The following FAM234A variants were observed in gnomAD, a reference collection of about 807,000 sequenced individuals.
FAM234A encodes protein FAM234A.
In FAM234A, 42 loss-of-function variants were observed where a neutral mutation model predicts 49.1. The observed-to-expected ratio is 0.86, with a 90% confidence interval of 0.67 to 1.11. The LOEUF is 1.11. Among genes scored for constraint, FAM234A ranks in the 50% least tolerant of loss-of-function variants. The probability of loss-of-function intolerance (pLI) is 0.00; values close to 1 mark genes in which losing one functional copy is unlikely to be tolerated. For missense variants in FAM234A, 815 were observed against 745.2 expected (o/e 1.09, Z -1.09); for synonymous variants, 369 against 316.2 (o/e 1.17, Z -1.77).
At chr16:262,631 A>G (rs2051515893) in intron 8 of FAM234A, 78 bp downstream of exon 8, 2 of 1,437,638 alleles carry the variant, frequency 1.4e-6, no homozygotes, top group East Asian at 2.5e-5. Context: ...CGTTCGGACA[A>G]TCTGTGTGGA....
rs1250524828 is a variant in FAM234A at position 265,994 on chromosome 16, G to C, written c.*972G>C. 2 of 985,744 alleles carry C rather than the reference G, an allele frequency of 2.0e-6. No homozygotes were observed. The highest frequency in any genetic ancestry group is 6.2e-5 in the Admixed American group (1 of 16,260). 61.1% of individuals were successfully genotyped at this position (985,744 alleles called of 1,614,324 possible). On this transcript the variant is annotated 3_prime_UTR_variant, in exon 13 of 13. Coordinates refer to ENST00000399932, the MANE Select transcript of FAM234A (RefSeq NM_032039.4). ...GCAGCCATGGTGCTCTGTACTGCTC[G>C]GGCCGCCCAGGTCACAGAGCCTGAG...
chr16:240,081 C>T (rs1440828952), intron 1 of FAM234A: 3 of 152,052 alleles, frequency 2.0e-5, no homozygotes, highest in African/African-American at 7.2e-5. Context: ...GTGGGTGTCT[C>T]TGAAGCTCAT....
In FAM234A at chr16:235,693, G is replaced by C. The variant is rs569571739; in HGVS notation, c.-140+836G>C. Among the ~76,000 whole-genome samples, 8 of 152,260 alleles carry C rather than the reference G, an allele frequency of 5.3e-5. No individual in the cohort carries two copies. The South Asian group carries it at 1.7e-3, about 32-fold the overall frequency. ...ACTTCCCTTATTGCAATTTCAGTCT[G>C]CATCCAATTAGAGCAGAATAACTCA... On this transcript the variant is annotated intron_variant, in intron 1 of 12. Transcript: ENST00000399932.
intron 2 of FAM234A, among the ~76,000 whole-genome samples, chr16:252,491 G>A (rs572385967): frequency 8.8e-4 from 134 of 152,226 alleles, no homozygotes; most frequent in African/African-American, 3.1e-3. Flanking sequence ...CGGAAAGTCT[G>A]TTTTTAATTC....
chr16:260,231 G>A lies in FAM234A; in HGVS notation c.577+71G>A, dbSNP rs987964960. On this transcript the variant is annotated intron_variant, in intron 5 of 12. Coordinates refer to ENST00000399932, the MANE Select transcript of FAM234A (RefSeq NM_032039.4). ...GAGCCACCTCACCCTGAGGGCTAAT[G>A]CCAGGAGGCCGCGACGAGGCTCAGC... 4 of 1,428,972 alleles carry A rather than the reference G, an allele frequency of 2.8e-6. No individual in the cohort carries two copies. In the Admixed American group the frequency reaches 6.9e-5, roughly 25 times the overall value. 88.5% of individuals were successfully genotyped at this position (1,428,972 alleles called of 1,614,324 possible). A position where few individuals can be genotyped will look rare whatever the true frequency, so the allele number is the denominator to read the frequency against.
In FAM234A at chr16:264,823, AGCCAAGCC is replaced by A; in HGVS notation, c.1465_1472del (p.Ser489ArgfsTer39). Reference sequence around the variant, plus strand: ...CCCCACCCTGCAGCCGTCCTGTTTGAGCCAAGCCGCCACGCCGCCTACATCCTTCTGAC... The same window carrying A: ...CCCCACCCTGCAGCCGTCCTGTTTGAGCCACGCCGCCTACATCCTTCTGAC... On this transcript the variant is annotated frameshift_variant, in exon 13 of 13. Transcript: ENST00000399932. LOFTEE classifies it low-confidence loss of function (END_TRUNC). 2 of 1,609,944 alleles carry A rather than the reference AGCCAAGCC, an allele frequency of 1.2e-6. No homozygotes were observed. The highest frequency in any genetic ancestry group is 1.7e-6 in the Non-Finnish European group (2 of 1,179,528).
chr16:259,913 G>C, intron 4 of FAM234A, 56 bp from the exon 5 acceptor site: 1 of 1,512,768 alleles, frequency 6.6e-7, no homozygotes, highest in Admixed American at 1.7e-5. Flanking sequence ...GCTGGGGCTG[G>C]CCGGCCTGCC....
At chr16:250,749 G>C (rs1202337035) in intron 2 of FAM234A, among the ~76,000 whole-genome samples, 1 of 151,976 alleles carries the variant, frequency 6.6e-6, no homozygotes, top group Non-Finnish European at 1.5e-5. Context: ...TGGCCCCCAC[G>C]AGTCTACTCC....
At chr16:257,236 CTTTTTTTT>C (rs759071082) in intron 3 of FAM234A, among the ~76,000 whole-genome samples, 1 of 89,014 alleles carries the variant, frequency 1.1e-5, no homozygotes, top group Non-Finnish European at 2.2e-5. Context: ...TCAATGAAGT[CTTTTTTTT>C]TTTTTTTTTT....
rs759493395 is a variant in FAM234A at position 260,024 on chromosome 16, G to T, written c.441G>T (p.Thr147=). The T allele has an allele frequency of 3.1e-6, 5 of 1,613,534 alleles. No individual in the cohort carries two copies. The Admixed American group carries it at 5.0e-5, about 16-fold the overall frequency. The change falls in exon 5 of 13, where the codon ACG becomes ACT. Residue 147 remains threonine, a synonymous_variant. Transcript: ENST00000399932. ...AAAVSGANGS[T]LWERPVAQDV... is the part of the protein sequence containing the mutation. Reference sequence around the variant, plus strand: ...CTGTGTCGGGGGCCAACGGCAGCACGCTCTGGGAGAGACCTGTGGCCCAAG... The same window carrying T: ...CTGTGTCGGGGGCCAACGGCAGCACTCTCTGGGAGAGACCTGTGGCCCAAG...
At chr16:263,118 C>T in intron 8 of FAM234A, 144 bp from the exon 9 acceptor site, 3 of 1,059,606 alleles carry the variant, frequency 2.8e-6, no homozygotes, top group South Asian at 3.1e-5. Context: ...GCGCCCAGCT[C>T]TTCTCTTTTC....
At chr16:269,862 C>T (rs548093394), downstream of FAM234A, 11 of 385,404 alleles carry the variant, frequency 2.9e-5, no homozygotes, top group East Asian at 1.9e-4. Context: ...CAGCCATTAG[C>T]GGGAACCAGG....
At chr16:264,766 G>A (rs368964670) in intron 12 of FAM234A, 45 bp from the exon 13 acceptor site, 384 of 1,607,646 alleles carry the variant, frequency 2.4e-4, no homozygotes, top group Non-Finnish European at 3.2e-4. Context: ...GGTCTGCCCT[G>A]GCTGGTCCTG....
In FAM234A at chr16:254,706, T is replaced by C. The variant is rs1012688692; in HGVS notation, c.268+25T>C. ...GGTGAGCCTCGGCTTCCCCGCCCAG[T>C]GGGGTCCAAAGCAGCTCTTCCCAGG... On this transcript the variant is annotated intron_variant, in intron 3 of 12. Transcript: ENST00000399932. 8.1e-6 allele frequency: 13 copies of C among 1,610,474 alleles called. No homozygotes were observed. In the Admixed American group the frequency reaches 1.5e-4, roughly 19 times the overall value.
downstream of FAM234A, chr16:266,126 T>G: frequency 1.0e-6 from 1 of 976,014 alleles, no homozygotes; most frequent in Non-Finnish European, 1.2e-6. Flanking sequence ...GCCTAGCGTG[T>G]GTGCGTCTGC....
At chr16:243,707 G>A (rs755300445) in intron 1 of FAM234A, among the ~76,000 whole-genome samples, 9 of 152,262 alleles carry the variant, frequency 5.9e-5, no homozygotes, top group Non-Finnish European at 1.2e-4. Context: ...AGGAATTCCT[G>A]ACCAGCTTTT....
chr16:242,217 G>A (rs371280230), intron 1 of FAM234A, among the ~76,000 whole-genome samples: 4 of 152,060 alleles, frequency 2.6e-5, no homozygotes, highest in South Asian at 2.1e-4. Flanking sequence ...CTGGTTTACC[G>A]ATAGTCCTTT....
chr16:240,852 A>G (rs892157967), intron 1 of FAM234A, among the ~76,000 whole-genome samples: 2 of 152,126 alleles, frequency 1.3e-5, no homozygotes, highest in African/African-American at 4.8e-5. Context: ...TTCTGTTTCT[A>G]ACTGGTGAAA....
At chr16:259,434 G>A (rs956304787) in intron 3 of FAM234A, 49 bp from the exon 4 acceptor site, 2 of 1,107,446 alleles carry the variant, frequency 1.8e-6, no homozygotes, top group Non-Finnish European at 2.8e-6. Context: ...GATCGTTCCT[G>A]GAAACCAGGC....
Sources: gnomAD v4.1 joint callset for allele counts (sites outside exome capture counted in the v4.1 genomes callset) on GRCh38, gnomAD v4.1.1 for gene constraint, MANE v1.5 for transcripts, NCBI Gene and HGNC (gene_info 2026-07-23, HGNC 2026-07-21) for gene names.